UNC5A: variants seen among roughly 807,000 people sequenced by gnomAD.
The protein encoded by UNC5A is unc-5 netrin receptor A.
A neutral mutation model predicts 87.4 loss-of-function variants in UNC5A; 20 were observed. That is an observed-to-expected ratio of 0.23 (90% confidence interval 0.16 to 0.33). The LOEUF (loss-of-function observed/expected upper bound fraction) is 0.33, where lower values mean the gene tolerates loss of function less well. UNC5A is among the 10% of genes least tolerant of loss of function. The pLI, the probability that UNC5A is intolerant of heterozygous loss-of-function variation, is 1.00. For synonymous variants in UNC5A, 438 were observed against 482.3 expected (o/e 0.91, Z 1.20); for missense variants, 844 against 1,133.4 (o/e 0.74, Z 3.67).
intron 1 of UNC5A, among the ~76,000 whole-genome samples, chr5:176,843,184 GAAAGAAAGAA>G (rs1757320953): frequency 6.6e-6 from 1 of 151,592 alleles, no homozygotes; most frequent in African/African-American, 2.4e-5. Flanking sequence ...AAGAAAGAAA[GAAAGAAAGAA>G]AAAAAGAAAA....
chr5:176,849,454 A>T (rs1042312234), intron 1 of UNC5A, among the ~76,000 whole-genome samples: 1 of 152,190 alleles, frequency 6.6e-6, no homozygotes, highest in Admixed American at 6.5e-5. Flanking sequence ...GTGTTGTGGC[A>T]TGCACCCATA....
chr5:176,864,365 G>A (rs1189933787), intron 2 of UNC5A, among the ~76,000 whole-genome samples: 1 of 152,214 alleles, frequency 6.6e-6, no homozygotes, highest in Non-Finnish European at 1.5e-5. Context: ...ACACCAGAGC[G>A]GGCTGCGGTC....
chr5:176,831,465 C>T (rs1488702284), intron 1 of UNC5A, among the ~76,000 whole-genome samples: 2 of 152,216 alleles, frequency 1.3e-5, no homozygotes, highest in African/African-American at 2.4e-5. Context: ...AAGGCCAGCA[C>T]GCATCCAGGT....
In UNC5A at chr5:176,811,792, G is replaced by C. The variant is rs575599943; in HGVS notation, c.70+972G>C. 3.3e-5 allele frequency among the ~76,000 whole-genome samples: 5 copies of C among 152,164 alleles called. No homozygotes were observed. The South Asian group carries it at 1.0e-3, about 32-fold the overall frequency. On this transcript the variant is annotated intron_variant, in intron 1 of 14. Transcript: ENST00000329542. ...TCAAGGGGGCTTGAGGCTTACCCTG[G>C]CAATTCTCGATTCTTGCTGCCCCTA...
chr5:176,868,479 C>A, intron 3 of UNC5A, 82 bp from the exon 4 acceptor site: 1 of 1,492,132 alleles, frequency 6.7e-7, no homozygotes, highest in South Asian at 1.2e-5. Context: ...TGCCACGGCC[C>A]CTGCAGGACA....
In UNC5A at chr5:176,862,746, T is replaced by C; in HGVS notation, c.193T>C (p.Cys65Arg). Residue 65 changes from cysteine to arginine, a missense_variant, in exon 2 of 15, where the codon TGC becomes CGC. This residue lies in a region of UNC5A where 314 missense variants were observed against 466.5 expected (regional missense o/e 0.67). Coordinates refer to ENST00000329542, the MANE Select transcript of UNC5A (RefSeq NM_133369.3). ...IVKNKPVLLV[C>R]KAVPATQIFF... Reference sequence around the variant, plus strand: ...CAAGAACAAGCCAGTGCTGCTTGTGTGCAAGGCCGTGCCCGCCACGCAGAT... The same window carrying C: ...CAAGAACAAGCCAGTGCTGCTTGTGCGCAAGGCCGTGCCCGCCACGCAGAT... 6.2e-7 allele frequency: 1 copy of C among 1,613,604 alleles called. No homozygotes were observed. The highest frequency in any genetic ancestry group is 8.5e-7 in the Non-Finnish European group (1 of 1,179,964).
chr5:176,849,168 T>A (rs1757483669), intron 1 of UNC5A, among the ~76,000 whole-genome samples: 1 of 152,224 alleles, frequency 6.6e-6, no homozygotes, highest in Non-Finnish European at 1.5e-5. Context: ...CACTGCCCAG[T>A]CTGGCTTTGC....
chr5:176,842,406 C>T (rs995683715), intron 1 of UNC5A, among the ~76,000 whole-genome samples: 3 of 152,166 alleles, frequency 2.0e-5, no homozygotes, highest in African/African-American at 7.2e-5. Flanking sequence ...GATGCTTGCA[C>T]ACACATGTTT....
rs1404483705 is a variant in UNC5A, at chr5:176,878,071, T to A, written c.1813T>A (p.Ser605Thr). Residue 605 changes from serine to threonine, a missense_variant, in exon 11 of 15, where the codon TCC becomes ACC. Coordinates refer to ENST00000329542, the MANE Select transcript of UNC5A (RefSeq NM_133369.3). ...LLLFAPVACT[S>T]LEYNIRVYCL... is the part of the protein sequence containing the mutation. ...TCTGTTTGCGCCGGTGGCCTGCACC[T>A]CCCTCGAGTACAACATCCGGGTCTA... 1.2e-6 allele frequency: 2 copies of A among 1,609,790 alleles called. No individual in the cohort carries two copies. The highest frequency in any genetic ancestry group is 1.7e-6 in the Non-Finnish European group (2 of 1,179,946).
intron 1 of UNC5A, among the ~76,000 whole-genome samples, chr5:176,825,318 G>A (rs547952815): frequency 3.9e-5 from 6 of 152,156 alleles, no homozygotes. Flanking sequence ...AGCAGTAGGG[G>A]CCCAGGAGTG....
chr5:176,814,451 C>T (rs1756540160), intron 1 of UNC5A, among the ~76,000 whole-genome samples: 1 of 152,172 alleles, frequency 6.6e-6, no homozygotes, highest in Non-Finnish European at 1.5e-5. Flanking sequence ...CCACTGACCC[C>T]GCCAGCATGC....
intron 1 of UNC5A, among the ~76,000 whole-genome samples, chr5:176,840,131 A>T (rs1757240524): frequency 6.6e-6 from 1 of 152,166 alleles, no homozygotes; most frequent in Non-Finnish European, 1.5e-5. Flanking sequence ...TGCTGGGATT[A>T]CAGGCGTGAG....
rs1581272988 is a variant in UNC5A, at chr5:176,867,986, A to G, written c.293-144A>G. 11 of 570,844 alleles carry G rather than the reference A, an allele frequency of 1.9e-5. No individual in the cohort carries two copies. The East Asian group carries it at 2.1e-4, about 11-fold the overall frequency. The allele number at this position is 570,844 out of a possible 1,614,324, so 35.4% of individuals were successfully genotyped here. On this transcript the variant is annotated intron_variant, in intron 2 of 14. Transcript: ENST00000329542. ...TGGAGGTTGCCTTAAAACTTAAAATATAATAATAATAAAATTTAAAAAAAA... is the reference window on the plus strand; with the variant it reads ...TGGAGGTTGCCTTAAAACTTAAAATGTAATAATAATAAAATTTAAAAAAAA...
rs1475501280 is a variant in UNC5A, at chr5:176,838,025, G to A, written c.71-24599G>A. Among the ~76,000 whole-genome samples the A allele has an allele frequency of 6.6e-6, 1 of 152,162 alleles. No individual in the cohort carries two copies. Among genetic ancestry groups the A allele is most frequent in the Non-Finnish European group, 1.5e-5 (1 of 68,036 alleles). ...GTTGTGCAAGAGTACACTACTGAAC[G>A]GAATAGTCAAAAACTTGCCCTTTGG... On this transcript the variant is annotated intron_variant, in intron 1 of 14. Coordinates refer to ENST00000329542, the MANE Select transcript of UNC5A (RefSeq NM_133369.3). The surrounding 1 kb of genome is among the most constrained non-coding windows in gnomAD (Gnocchi z 4.2).
intron 1 of UNC5A, among the ~76,000 whole-genome samples, chr5:176,858,464 G>A (rs1757718767): frequency 6.6e-6 from 1 of 152,088 alleles, no homozygotes; most frequent in Non-Finnish European, 1.5e-5. Context: ...CACTGACTGG[G>A]GCCAGAACGT....
intron 1 of UNC5A, among the ~76,000 whole-genome samples, chr5:176,847,297 G>C (rs1045729327): frequency 2.0e-5 from 3 of 152,164 alleles, no homozygotes; most frequent in Non-Finnish European, 4.4e-5. Context: ...TGGCCTCTGG[G>C]ACTGATGGGA....
intron 1 of UNC5A, among the ~76,000 whole-genome samples, chr5:176,855,199 A>G (rs1757636084): frequency 6.6e-6 from 1 of 152,224 alleles, no homozygotes; most frequent in Admixed American, 6.5e-5. Context: ...ACCTGTGAAT[A>G]GCCTGCCTTT....
rs867060343 is a variant in UNC5A, at chr5:176,848,707, G to T, written c.71-13917G>T. ...TCCCCTCTCTGGAGTCCCCCACCTG[G>T]ACTCGCCTGTGCCGCTGGTTGCAGG... On this transcript the variant is annotated intron_variant, in intron 1 of 14. Coordinates refer to ENST00000329542, the MANE Select transcript of UNC5A (RefSeq NM_133369.3). This position sits in a 1 kb window ranked among gnomAD's most constrained non-coding sequence, Gnocchi z 5.8. Among the ~76,000 whole-genome samples, 6 of 152,160 alleles carry T rather than the reference G, an allele frequency of 3.9e-5. No homozygotes were observed. The highest frequency in any genetic ancestry group is 1.4e-4 in the African/African-American group (6 of 41,428).
intron 1 of UNC5A, among the ~76,000 whole-genome samples, chr5:176,827,602 T>C (rs1041371201): frequency 6.6e-6 from 1 of 152,206 alleles, no homozygotes; most frequent in Non-Finnish European, 1.5e-5. Flanking sequence ...GAATAAGCTG[T>C]TTTGAACATT....
Sources: allele counts gnomAD v4.1 joint callset (sites outside exome capture counted in the v4.1 genomes callset), GRCh38; gene constraint gnomAD v4.1.1; regional missense constraint gnomAD v4.1.1; non-coding constraint Gnocchi (gnomAD v3.1); transcripts MANE v1.5; gene names NCBI Gene and HGNC (gene_info 2026-07-23, HGNC 2026-07-21).